Variants in UNC5D observed in about 807,000 individuals in gnomAD.
UNC5D encodes netrin receptor UNC5D.
Under a neutral mutation model 105.4 loss-of-function variants are expected in UNC5D, and 39 were observed. The observed-to-expected ratio is 0.37, with a 90% CI of 0.29 to 0.48. The LOEUF (loss-of-function observed/expected upper bound fraction) is 0.48, where lower values mean the gene tolerates loss of function less well. Ranked by LOEUF, UNC5D falls within the 20% of genes least tolerant of loss-of-function variation. UNC5D has a pLI of 0.98. For synonymous variants in UNC5D, 452 were observed against 450.4 expected (o/e 1.00, Z -0.04); for missense variants, 991 against 1,202.4 (o/e 0.82, Z 2.60).
intron 1 of UNC5D, among the ~76,000 whole-genome samples, chr8:35,512,341 G>A (rs889984076): frequency 1.1e-4 from 16 of 150,512 alleles, no homozygotes; most frequent in African/African-American, 3.7e-4. Flanking sequence ...GAGCAACATG[G>A]TGAGACCCTG....
intron 1 of UNC5D, among the ~76,000 whole-genome samples, chr8:35,411,893 A>G (rs564793881): frequency 1.8e-4 from 28 of 152,144 alleles, no homozygotes; most frequent in Non-Finnish European, 3.4e-4. Context: ...AAAATGCTTC[A>G]TATCTGATTG....
chr8:35,776,078 A>G (rs1201314782), intron 16 of UNC5D, among the ~76,000 whole-genome samples: 6 of 152,216 alleles, frequency 3.9e-5, no homozygotes, highest in African/African-American at 1.4e-4. Context: ...ACATGGATCC[A>G]AAAATGAAAA....
chr8:35,789,849 CAT>C (rs1802947963), intron 16 of UNC5D, among the ~76,000 whole-genome samples: 1 of 151,268 alleles, frequency 6.6e-6, no homozygotes, highest in African/African-American at 2.4e-5. Context: ...GAAAGTATGA[CAT>C]AAACTAATGA....
chr8:35,620,284 G>A (rs981283329), intron 4 of UNC5D, among the ~76,000 whole-genome samples: 3 of 152,096 alleles, frequency 2.0e-5, no homozygotes, highest in African/African-American at 4.8e-5. Flanking sequence ...CCGGCTTCTC[G>A]GGCTGTACCG....
At chr8:35,401,863 C>T (rs553734771) in intron 1 of UNC5D, among the ~76,000 whole-genome samples, 49 of 152,308 alleles carry the variant, frequency 3.2e-4, no homozygotes, top group African/African-American at 1.2e-3. Context: ...GCAAAGTCGG[C>T]ATTATCCTGT....
chr8:35,302,646 T>G (rs561880369), intron 1 of UNC5D, among the ~76,000 whole-genome samples: 2 of 152,316 alleles, frequency 1.3e-5, no homozygotes, highest in African/African-American at 2.4e-5. Context: ...ATCTTTTAAT[T>G]TTTTGGAGAA....
intron 1 of UNC5D, among the ~76,000 whole-genome samples, chr8:35,439,597 T>A (rs750181741): frequency 6.6e-6 from 1 of 152,082 alleles, no homozygotes; most frequent in Admixed American, 6.6e-5. Context: ...AACACCCTAA[T>A]TCTTCAGGCT....
intron 2 of UNC5D, among the ~76,000 whole-genome samples, chr8:35,553,912 C>T (rs1392998554): frequency 1.3e-5 from 2 of 152,176 alleles, no homozygotes; most frequent in East Asian, 1.9e-4. Context: ...AAGCCAAGGA[C>T]GGTGGGACCA....
At chr8:35,650,483 G>GT in intron 4 of UNC5D, among the ~76,000 whole-genome samples, 1 of 152,074 alleles carries the variant, frequency 6.6e-6, no homozygotes, top group South Asian at 2.1e-4. Flanking sequence ...TTCTATTTTT[G>GT]TTTTTTTGAG....
intron 14 of UNC5D, among the ~76,000 whole-genome samples, chr8:35,760,318 C>T (rs1173261249): frequency 6.6e-6 from 1 of 151,986 alleles, no homozygotes; most frequent in Non-Finnish European, 1.5e-5. Flanking sequence ...GCTGGGATTA[C>T]AGATGTGAGC....
rs1806286102 is a variant in UNC5D, at chr8:35,282,753, T to A, written c.103+46866T>A. On this transcript the variant is annotated intron_variant, in intron 1 of 16. Transcript: ENST00000404895. The stretch of plus-strand genomic sequence containing the variant: ...CCCAAAGCAGCATATCCTTCTTTCC[T>A]TTCCTTCTTGTTATCCCATCCTGGA... 2.0e-5 allele frequency among the ~76,000 whole-genome samples: 3 copies of A among 151,816 alleles called. No individual in the cohort carries two copies. The South Asian group carries it at 6.2e-4, about 31-fold the overall frequency.
intron 2 of UNC5D, among the ~76,000 whole-genome samples, chr8:35,555,903 A>G (rs1011793125): frequency 7.6e-4 from 115 of 150,770 alleles, no homozygotes; most frequent in African/African-American, 2.6e-3. Flanking sequence ...ACACACACAC[A>G]CACACACACA....
chr8:35,532,945 C>A (rs1393479679), intron 1 of UNC5D, among the ~76,000 whole-genome samples: 1 of 129,196 alleles, frequency 7.7e-6, no homozygotes, highest in East Asian at 2.2e-4. Flanking sequence ...GTTATACATT[C>A]TTCTAAATTT....
intron 1 of UNC5D, among the ~76,000 whole-genome samples, chr8:35,444,879 G>A (rs145250404): frequency 1.3e-5 from 2 of 152,150 alleles, no homozygotes; most frequent in East Asian, 3.9e-4. Flanking sequence ...TATTTTAAAA[G>A]GTGGAAGCCA....
intron 13 of UNC5D, among the ~76,000 whole-genome samples, chr8:35,754,132 A>G (rs1211217596): frequency 6.6e-6 from 1 of 152,180 alleles, no homozygotes; most frequent in Non-Finnish European, 1.5e-5. Flanking sequence ...TGAACCCCTA[A>G]AAGACCTCAC....
intron 1 of UNC5D, among the ~76,000 whole-genome samples, chr8:35,517,649 A>G (rs762671337): frequency 2.0e-5 from 3 of 152,210 alleles, no homozygotes; most frequent in Non-Finnish European, 2.9e-5. Flanking sequence ...AGTATGAATT[A>G]CTCACCCAAT....
intron 1 of UNC5D, among the ~76,000 whole-genome samples, chr8:35,515,037 G>C (rs1813020169): frequency 6.6e-6 from 1 of 152,172 alleles, no homozygotes; most frequent in Non-Finnish European, 1.5e-5. Flanking sequence ...ATGAAGCTGT[G>C]GATGGATTTC....
At chr8:35,277,822 A>C (rs1048564901) in intron 1 of UNC5D, among the ~76,000 whole-genome samples, 3 of 152,178 alleles carry the variant, frequency 2.0e-5, no homozygotes, top group Non-Finnish European at 4.4e-5. Context: ...AATTTTGCTT[A>C]TGTATGGGGG....
intron 11 of UNC5D, among the ~76,000 whole-genome samples, chr8:35,740,727 A>T (rs1829715538): frequency 6.6e-6 from 1 of 152,102 alleles, no homozygotes; most frequent in Non-Finnish European, 1.5e-5. Flanking sequence ...TCTACTGCCT[A>T]CCTATCCCAA....
Sources: gnomAD v4.1 joint callset for allele counts (sites outside exome capture counted in the v4.1 genomes callset) on GRCh38, gnomAD v4.1.1 for gene constraint, MANE v1.5 for transcripts, NCBI Gene and HGNC (gene_info 2026-07-23, HGNC 2026-07-21) for gene names.